Variants in SND1 observed in about 807,000 individuals in gnomAD.
The protein encoded by SND1 is staphylococcal nuclease and tudor domain containing 1.
A neutral mutation model predicts 121.7 loss-of-function variants in SND1; 38 were observed. The ratio of observed to expected loss-of-function variants is 0.31; its 90% CI spans 0.24 to 0.41. The LOEUF (loss-of-function observed/expected upper bound fraction) is 0.41, where lower values mean the gene tolerates loss of function less well. Among genes scored for constraint, SND1 ranks in the 10% least tolerant of loss-of-function variants. The pLI, the probability that SND1 is intolerant of heterozygous loss-of-function variation, is 1.00. For synonymous variants in SND1, 401 were observed against 447.4 expected (o/e 0.90, Z 1.31); for missense variants, 868 against 1,184.6 (o/e 0.73, Z 3.92).
chr7:128,040,259 G>T (rs1026666222), intron 16 of SND1, among the ~76,000 whole-genome samples: 1 of 151,352 alleles, frequency 6.6e-6, no homozygotes, highest in Non-Finnish European at 1.5e-5. Flanking sequence ...GAAACACGGG[G>T]TGTGTCACAG....
In SND1 at chr7:128,089,514, A is replaced by G. The variant is rs1407828353; in HGVS notation, c.2444A>G (p.Asp815Gly). ...QDDDARTDAV[D>G]SVVRDIQNTQ... ...GATGATGCCCGCACGGACGCCGTGG[A>G]CAGCGTAGTTCGGGATATCCAGAAC... The change falls in exon 22 of 24, where the codon GAC becomes GGC. Residue 815 changes from aspartate (D) to glycine (G), a missense_variant. Around this residue, in one of 2 missense-constraint regions of SND1, gnomAD observed 743 missense variants for 1,071.3 expected, o/e 0.69. Transcript: ENST00000354725. The G allele has an allele frequency of 6.2e-7, 1 of 1,613,888 alleles. No homozygotes were observed. The highest frequency in any genetic ancestry group is 1.3e-5 in the African/African-American group (1 of 74,926).
chr7:127,706,404 A>C (rs1034328978), intron 8 of SND1, among the ~76,000 whole-genome samples: 10 of 151,850 alleles, frequency 6.6e-5, no homozygotes, highest in Middle Eastern at 3.4e-3. Flanking sequence ...CTACAGGCGC[A>C]TGCCACCACA....
At chr7:127,842,337 T>C (rs1798979880) in intron 11 of SND1, among the ~76,000 whole-genome samples, 1 of 152,248 alleles carries the variant, frequency 6.6e-6, no homozygotes, top group Non-Finnish European at 1.5e-5. Flanking sequence ...AACTTCATTC[T>C]GTGAAGACTT....
intron 11 of SND1, among the ~76,000 whole-genome samples, chr7:127,810,439 C>T (rs924593193): frequency 6.6e-5 from 10 of 152,150 alleles, no homozygotes; most frequent in Non-Finnish European, 1.3e-4. Context: ...TACCATCTGC[C>T]CTCTTTCACT....
chr7:127,858,433 GC>G, intron 12 of SND1: 1 of 812,626 alleles, frequency 1.2e-6, no homozygotes. Flanking sequence ...CTGGGGTCTG[GC>G]CCAAGCTGTC....
chr7:127,986,818 C>A (rs1268081851), intron 15 of SND1, among the ~76,000 whole-genome samples: 1 of 152,210 alleles, frequency 6.6e-6, no homozygotes, highest in Non-Finnish European at 1.5e-5. Flanking sequence ...CAGCTGAGTC[C>A]CCCCATGGGG....
intron 14 of SND1, among the ~76,000 whole-genome samples, chr7:127,923,955 G>C (rs948707551): frequency 6.6e-6 from 1 of 151,120 alleles, no homozygotes; most frequent in African/African-American, 2.4e-5. Flanking sequence ...ATTTGCTTCA[G>C]TATCCTTAAC....
At chr7:127,937,945 A>G (rs1439290967) in intron 15 of SND1, among the ~76,000 whole-genome samples, 1 of 152,258 alleles carries the variant, frequency 6.6e-6, no homozygotes, top group Non-Finnish European at 1.5e-5. Flanking sequence ...CTAGGCTTCT[A>G]TCCTTAATTA....
At chr7:127,772,382 G>T (rs1421976887) in intron 10 of SND1, among the ~76,000 whole-genome samples, 1 of 152,192 alleles carries the variant, frequency 6.6e-6, no homozygotes, top group Admixed American at 6.5e-5. Flanking sequence ...AATAGCGGTT[G>T]TCCCTTCAGT....
chr7:127,819,659 C>T (rs577123491), intron 11 of SND1, among the ~76,000 whole-genome samples: 1 of 152,080 alleles, frequency 6.6e-6, no homozygotes, highest in Non-Finnish European at 1.5e-5. Context: ...CTATTTTGGC[C>T]CTTAGTTAAC....
chr7:127,821,459 C>A (rs1798546986), intron 11 of SND1, among the ~76,000 whole-genome samples: 1 of 152,168 alleles, frequency 6.6e-6, no homozygotes, highest in Admixed American at 6.5e-5. Context: ...ATCATCTCTG[C>A]TCTCCAACTG....
intron 1 of SND1, among the ~76,000 whole-genome samples, chr7:127,669,032 G>A (rs1028505984): frequency 6.6e-6 from 1 of 151,794 alleles, no homozygotes; most frequent in African/African-American, 2.4e-5. Context: ...TTGCTCTGTT[G>A]CCCAGGCTGG....
chr7:128,028,463 A>C, intron 16 of SND1: 1 of 455,418 alleles, frequency 2.2e-6, no homozygotes, highest in Non-Finnish European at 3.8e-6. Context: ...CGTTCCCAAG[A>C]TTCCCCCCCA....
intron 10 of SND1, among the ~76,000 whole-genome samples, chr7:127,748,697 T>A (rs1264374451): frequency 6.6e-6 from 1 of 152,218 alleles, no homozygotes; most frequent in Non-Finnish European, 1.5e-5. Context: ...CATGAATTGG[T>A]CTGTTAGAAA....
In SND1 at chr7:128,026,016, C is replaced by CAA. The variant is rs61636078; in HGVS notation, c.1779+34972_1779+34973dup. ...ATTCCCTGTCTGCTCAAATAGCTGT[C>CAA]AAAAAAAAAAAAAGAAGGGTGTTAG... On this transcript the variant is annotated intron_variant, in intron 16 of 23. Coordinates refer to ENST00000354725, the MANE Select transcript of SND1 (RefSeq NM_014390.4). 5.5e-3 allele frequency among the ~76,000 whole-genome samples: 768 copies of CAA among 140,278 alleles called. 5 individuals are homozygous for CAA. The highest frequency in any genetic ancestry group is 0.019 in the African/African-American group (739 of 39,012). The allele number at this position is 140,278 out of a possible 152,430, so 92.0% of individuals were successfully genotyped here.
At chr7:128,022,797 C>T (rs780188614) in intron 16 of SND1, among the ~76,000 whole-genome samples, 1 of 148,770 alleles carries the variant, frequency 6.7e-6, no homozygotes, top group Non-Finnish European at 1.5e-5. Flanking sequence ...TAAATTACAT[C>T]CCTGAAGGCT....
At chr7:127,701,056 T>TTTG in intron 4 of SND1, 107 bp from the exon 5 acceptor site, 1 of 1,238,804 alleles carries the variant, frequency 8.1e-7, no homozygotes, top group Non-Finnish European at 1.1e-6. Flanking sequence ...GAAACAGACC[T>TTTG]TTGTTGTCTT....
intron 15 of SND1, among the ~76,000 whole-genome samples, chr7:127,974,955 C>G (rs1802079809): frequency 6.6e-6 from 1 of 152,130 alleles, no homozygotes; most frequent in African/African-American, 2.4e-5. Context: ...ATCTAATTGC[C>G]TTCAGACCTG....
intron 15 of SND1, among the ~76,000 whole-genome samples, chr7:127,945,219 G>C (rs955463715): frequency 6.6e-6 from 1 of 152,226 alleles, no homozygotes; most frequent in Non-Finnish European, 1.5e-5. Flanking sequence ...AAGGCTGTGC[G>C]TGGTGGCTCA....
Sources: gnomAD v4.1 joint callset for allele counts (sites outside exome capture counted in the v4.1 genomes callset) on GRCh38, gnomAD v4.1.1 for gene constraint, gnomAD v4.1.1 regional missense constraint, MANE v1.5 for transcripts, NCBI Gene and HGNC (gene_info 2026-07-23, HGNC 2026-07-21) for gene names.